Variants in ADD2 observed in about 807,000 individuals in gnomAD.
ADD2 encodes adducin 2, also known as beta-adducin.
ADD2 carries 23 observed loss-of-function variants against 83.0 expected under a neutral mutation model. The observed-to-expected ratio is 0.28, with a 90% confidence interval of 0.20 to 0.39. ADD2 has a LOEUF of 0.39. Among genes scored for constraint, ADD2 ranks in the 10% least tolerant of loss-of-function variants. ADD2 has a pLI of 1.00. For synonymous variants in ADD2, 375 were observed against 375.4 expected (o/e 1.00, Z 0.01); for missense variants, 758 against 944.9 (o/e 0.80, Z 2.59).
Position 70,677,868 on chromosome 2 carries a change from C to G in ADD2, c.1393G>C (p.Ala465Pro), listed in dbSNP as rs781913377. The G allele has an allele frequency of 6.2e-7, 1 of 1,614,220 alleles. No homozygotes were observed. The highest frequency in any genetic ancestry group is 2.2e-5 in the East Asian group (1 of 44,888). Residue 465 changes from alanine (A) to proline (P), a missense_variant, in exon 12 of 16, where the codon GCT (alanine) becomes CCT (proline). By Grantham distance (27) the Ala-to-Pro change is conservative (BLOSUM62 -1). Transcript: ENST00000264436. ...SPRPKTTWMK[A>P]DEVEKSSSGM... ...CTGCTGGATTTCTCCACCTCGTCAG[C>G]CTTCATCCACTGCACAAACACAAGG...
rs1675601439 is a variant in ADD2 at position 70,663,126 on chromosome 2, G to C, written c.*299C>G. ...GATTGGTGGACAGCATCCAAACAAA[G>C]GCAGCCCACAACTAGGCAGTGTTGT... On this transcript the variant is annotated 3_prime_UTR_variant, in exon 16 of 16. Coordinates refer to ENST00000264436, the MANE Select transcript of ADD2 (RefSeq NM_001617.4). The C allele has an allele frequency of 3.3e-6, 1 of 300,202 alleles. No homozygotes were observed. Among genetic ancestry groups the C allele is most frequent in the Non-Finnish European group, 6.2e-6 (1 of 161,278 alleles). The allele number at this position is 300,202 out of a possible 1,614,324, so 18.6% of individuals were successfully genotyped here.
intron 15 of ADD2, among the ~76,000 whole-genome samples, chr2:70,671,536 G>A (rs1205752553): frequency 2.0e-5 from 3 of 152,176 alleles, no homozygotes; most frequent in African/African-American, 4.8e-5. Flanking sequence ...AAGGGTTGCA[G>A]TGAGTTAGTA....
chr2:70,678,842 C>T lies in ADD2; in HGVS notation c.1245G>A (p.Pro415=), dbSNP rs148662450. 51 of 1,614,046 alleles carry T rather than the reference C, an allele frequency of 3.2e-5. 2 individuals are homozygous for T. The South Asian group carries it at 3.8e-4, about 12-fold the overall frequency. The change falls in exon 11 of 16, where the codon CCG becomes CCA. Residue 415 remains proline (P), a synonymous_variant. Coordinates refer to ENST00000264436, the MANE Select transcript of ADD2 (RefSeq NM_001617.4). The stretch of plus-strand genomic sequence containing the variant: ...GGGCATGCTGTCGCAGGGCGGGCAC[C>T]GGGGCACCGTCCTCCTCAAACACGA... ...TAFVFEEDGA[P]VPALRQHAQK...
chr2:70,709,976 C>A (rs1371276896), intron 2 of ADD2, among the ~76,000 whole-genome samples: 1 of 152,236 alleles, frequency 6.6e-6, no homozygotes, highest in African/African-American at 2.4e-5. Context: ...CACTCAGATT[C>A]TTCTGGGCAG....
chr2:70,689,018 T>C (rs1233822647), intron 8 of ADD2, among the ~76,000 whole-genome samples: 1 of 151,788 alleles, frequency 6.6e-6, no homozygotes, highest in Non-Finnish European at 1.5e-5. Context: ...GGTGGGAGGA[T>C]CACTTGAACC....
chr2:70,695,337 T>C (rs1671253008), intron 6 of ADD2, among the ~76,000 whole-genome samples: 1 of 152,076 alleles, frequency 6.6e-6, no homozygotes, highest in African/African-American at 2.4e-5. Flanking sequence ...CCCAGAAGCA[T>C]CTCTAATGGT....
chr2:70,672,554 C>T (rs1330354695), intron 15 of ADD2, among the ~76,000 whole-genome samples: 1 of 152,194 alleles, frequency 6.6e-6, no homozygotes, highest in Non-Finnish European at 1.5e-5. Context: ...CCAGGTGGTA[C>T]CTATACACGT....
At chr2:70,677,035 A>AG (rs1472615626) in intron 12 of ADD2, 150 bp from the exon 13 acceptor site, 16 of 1,319,208 alleles carry the variant, frequency 1.2e-5, no homozygotes, top group Non-Finnish European at 1.1e-5. Flanking sequence ...TTGTACTTTA[A>AG]GGGGGGGCCT....
intron 1 of ADD2, among the ~76,000 whole-genome samples, chr2:70,741,157 A>C (rs1673879264): frequency 6.6e-6 from 1 of 152,226 alleles, no homozygotes; most frequent in African/African-American, 2.4e-5. Context: ...AGCAGTGGGA[A>C]AATAATGGGA....
At chr2:70,702,078 T>G (rs1574262658) in intron 4 of ADD2, among the ~76,000 whole-genome samples, 1 of 152,172 alleles carries the variant, frequency 6.6e-6, no homozygotes, top group South Asian at 2.1e-4. Flanking sequence ...CCAAATCAAT[T>G]TATTCGTTTA....
Position 70,768,109 on chromosome 2 carries a change from T to G in ADD2, c.-377A>C. ...GATGACTGGCCACCGACGCCGCAGTTCCTTGACAAAAGGCTCGGGTTCCCG... is the reference window on the plus strand; with the variant it reads ...GATGACTGGCCACCGACGCCGCAGTGCCTTGACAAAAGGCTCGGGTTCCCG... On this transcript the variant is annotated 5_prime_UTR_variant, in exon 1 of 16. Transcript: ENST00000264436. 1 of 794,300 alleles carries G rather than the reference T, an allele frequency of 1.3e-6. No individual in the cohort carries two copies. The allele number at this position is 794,300 out of a possible 1,614,324, so 49.2% of individuals were successfully genotyped here. A position where few individuals can be genotyped will look rare whatever the true frequency, so the allele number is the denominator to read the frequency against.
At chr2:70,708,270 G>C (rs1048686857) in intron 2 of ADD2, among the ~76,000 whole-genome samples, 1 of 152,166 alleles carries the variant, frequency 6.6e-6, no homozygotes, top group Non-Finnish European at 1.5e-5. Flanking sequence ...AAGGCGCATG[G>C]ACAGAGTTCC....
At chr2:70,707,994 C>T (rs1553374827) in intron 2 of ADD2, among the ~76,000 whole-genome samples, 1 of 152,222 alleles carries the variant, frequency 6.6e-6, no homozygotes, top group East Asian at 1.9e-4. Flanking sequence ...TGGTCAGAAG[C>T]TCATTACAAA....
At position 70,678,768 on chromosome 2, in the gene ADD2, T is replaced by C. The variant is rs1553368922; in HGVS notation, c.1319A>G (p.Tyr440Cys). The change falls in exon 11 of 16, where the codon TAC becomes TGC. Residue 440 changes from tyrosine (Y) to cysteine (C), a missense_variant. Physicochemically the swap from Tyr to Cys is radical, Grantham distance 194. Transcript: ENST00000264436. ...KTRWLNTPNT[Y>C]LRVNVADEVQ... is the part of the protein sequence containing the mutation. ...CTCATCGGCCACATTGACCCGCAGG[T>C]AGGTGTTGGGCGTATTGAGCCAGCG... is the stretch of plus-strand genomic sequence containing the variant. The C allele has an allele frequency of 6.2e-7, 1 of 1,611,716 alleles. No individual in the cohort carries two copies. The highest frequency in any genetic ancestry group is 1.7e-5 in the Admixed American group (1 of 59,804).
intron 1 of ADD2, among the ~76,000 whole-genome samples, chr2:70,715,010 C>G (rs1256269647): frequency 6.6e-6 from 1 of 152,146 alleles, no homozygotes; most frequent in African/African-American, 2.4e-5. Context: ...CTGAAATTCC[C>G]CACCAGAGCA....
rs566124093 is a variant in ADD2, at chr2:70,666,539, G to A, written c.1871-2804C>T. On this transcript the variant is annotated intron_variant, in intron 15 of 15. Transcript: ENST00000264436. Reference sequence around the variant, plus strand: ...GCATTTCTCAAGACTGACCCTTGGCGCTCTCCTCTAAGATGGTTGGGGCAC... The same window carrying A: ...GCATTTCTCAAGACTGACCCTTGGCACTCTCCTCTAAGATGGTTGGGGCAC... 7.9e-5 allele frequency among the ~76,000 whole-genome samples: 12 copies of A among 152,326 alleles called. No individual in the cohort carries two copies. In the South Asian group the frequency reaches 1.5e-3, roughly 18 times the overall value.
At chr2:70,674,081 G>A (rs1259157872) in intron 14 of ADD2, among the ~76,000 whole-genome samples, 1 of 152,176 alleles carries the variant, frequency 6.6e-6, no homozygotes, top group African/African-American at 2.4e-5. Flanking sequence ...CAATTTGGGT[G>A]GAGTAGAGAG....
intron 1 of ADD2, among the ~76,000 whole-genome samples, chr2:70,738,971 T>C (rs1393640228): frequency 6.6e-6 from 1 of 152,096 alleles, no homozygotes; most frequent in African/African-American, 2.4e-5. Flanking sequence ...ATTCTGGACA[T>C]AGGAATGGGC....
chr2:70,666,063 C>G (rs1213064255), intron 15 of ADD2, among the ~76,000 whole-genome samples: 1 of 152,208 alleles, frequency 6.6e-6, no homozygotes, highest in African/African-American at 2.4e-5. Context: ...ATCCGCCCAC[C>G]TTGGCCTCCC....
Sources: gnomAD v4.1 joint callset for allele counts (sites outside exome capture counted in the v4.1 genomes callset) on GRCh38, gnomAD v4.1.1 for gene constraint, MANE v1.5 for transcripts, NCBI Gene and HGNC (gene_info 2026-07-23, HGNC 2026-07-21) for gene names.